Variants in CPXM2 observed in about 807,000 individuals in gnomAD.
The protein encoded by CPXM2 is carboxypeptidase X, M14 family member 2, also known as inactive carboxypeptidase-like protein X2.
CPXM2 carries 66 observed loss-of-function variants against 86.1 expected under a neutral mutation model. The observed-to-expected ratio is 0.77, with a 90% confidence interval of 0.63 to 0.94. The LOEUF (loss-of-function observed/expected upper bound fraction) is 0.94, where lower values mean the gene tolerates loss of function less well. CPXM2 is among the 40% of genes least tolerant of loss of function. The pLI, the probability that CPXM2 is intolerant of heterozygous loss-of-function variation, is 0.00. For missense variants in CPXM2, 948 were observed against 1,026.3 expected, an observed-to-expected ratio of 0.92 and a Z score of 1.04; for synonymous variants, 388 against 400.2, an observed-to-expected ratio of 0.97 and a Z score of 0.36.
chr10:123,912,277 CGT>C (rs1218416394), intron 2 of CPXM2, among the ~76,000 whole-genome samples: 4 of 102,398 alleles, frequency 3.9e-5, no homozygotes, highest in African/African-American at 3.8e-5. Flanking sequence ...ACTCCTAGTG[CGT>C]GTGTGTGTGT....
intron 13 of CPXM2, chr10:123,752,734 C>G (rs535450367): frequency 3.7e-5 from 14 of 377,772 alleles, no homozygotes; most frequent in African/African-American, 4.4e-5. Flanking sequence ...GTGCTTGGCT[C>G]AAATCATAGC....
intron 2 of CPXM2, among the ~76,000 whole-genome samples, chr10:123,916,177 T>A (rs17106146): frequency 2.0e-5 from 3 of 151,938 alleles, no homozygotes; most frequent in Admixed American, 2.0e-4. Context: ...CCTAGGAGCA[T>A]TATGTTGGTC....
intron 2 of CPXM2, among the ~76,000 whole-genome samples, chr10:123,866,400 CT>C (rs1451913066): frequency 5.7e-5 from 4 of 70,302 alleles, no homozygotes; most frequent in Non-Finnish European, 1.1e-4. Flanking sequence ...CCCATCTCTA[CT>C]AAAAAATACA....
chr10:123,787,950 C>A (rs901838524), intron 6 of CPXM2, among the ~76,000 whole-genome samples: 1 of 151,994 alleles, frequency 6.6e-6, no homozygotes, highest in African/African-American at 2.4e-5. Flanking sequence ...CTTTTCTTAT[C>A]CCCCCAGTTC....
upstream of CPXM2, among the ~76,000 whole-genome samples, chr10:123,943,650 A>T (rs1172352190): frequency 6.6e-6 from 1 of 152,254 alleles, no homozygotes; most frequent in African/African-American, 2.4e-5. Flanking sequence ...CATCACTGCT[A>T]CCTGTAGAGC....
In CPXM2 at chr10:123,746,945, G is replaced by A. The variant is rs1366789123; in HGVS notation, c.2090C>T (p.Thr697Ile). 6.2e-7 allele frequency: 1 copy of A among 1,614,124 alleles called. No individual in the cohort carries two copies. Among genetic ancestry groups the A allele is most frequent in the Non-Finnish European group, 8.5e-7 (1 of 1,180,048 alleles). ...YVVTAKAEGF[T>I]ASTKNCMVGY... ...AACCATACAGTTCTTGGTGGATGCA[G>A]TGAAACCTTCGGCCTTTGCTGTGAC... Residue 697 changes from threonine (T) to isoleucine (I), a missense_variant, in exon 14 of 14, where the codon ACT becomes ATT. Physicochemically the swap from Thr to Ile is moderately conservative, Grantham distance 89. Coordinates refer to ENST00000241305, the MANE Select transcript of CPXM2 (RefSeq NM_198148.3).
intron 2 of CPXM2, 139 bp from the exon 3 acceptor site, chr10:123,862,862 G>T: frequency 4.2e-6 from 3 of 707,516 alleles, no homozygotes; most frequent in South Asian, 1.7e-5. Flanking sequence ...TCCAGACACG[G>T]TTGATTGAAC....
intron 2 of CPXM2, among the ~76,000 whole-genome samples, chr10:123,870,113 C>T (rs1944866587): frequency 6.6e-6 from 1 of 152,150 alleles, no homozygotes; most frequent in Non-Finnish European, 1.5e-5. Flanking sequence ...GTCATTGTAT[C>T]TGTACAATGA....
chr10:123,803,854 G>T (rs888965364), intron 4 of CPXM2, among the ~76,000 whole-genome samples: 1 of 151,958 alleles, frequency 6.6e-6, no homozygotes, highest in Non-Finnish European at 1.5e-5. Flanking sequence ...GTAGAGAGGG[G>T]TTTCATCATG....
At chr10:123,855,931 T>G (rs1257207547) in intron 3 of CPXM2, among the ~76,000 whole-genome samples, 1 of 152,058 alleles carries the variant, frequency 6.6e-6, no homozygotes, top group Non-Finnish European at 1.5e-5. Context: ...CTGCAAGAGG[T>G]GAGCCTCTCT....
chr10:123,773,403 T>A (rs1020378565), intron 7 of CPXM2, among the ~76,000 whole-genome samples: 4 of 152,140 alleles, frequency 2.6e-5, no homozygotes, highest in African/African-American at 9.7e-5. Flanking sequence ...TGGATCTCAC[T>A]TCCCTCGTTG....
At chr10:123,780,353 C>T in intron 6 of CPXM2, 98 bp from the exon 7 acceptor site, 1 of 805,826 alleles carries the variant, frequency 1.2e-6, no homozygotes. Flanking sequence ...CAGTGCAGCC[C>T]AATCTCTAGC....
chr10:123,889,137 C>CA (rs1304287239), intron 1 of CPXM2, among the ~76,000 whole-genome samples: 1 of 152,244 alleles, frequency 6.6e-6, no homozygotes, highest in Admixed American at 6.5e-5. Context: ...TAAAGAGAGT[C>CA]ACTTCCCCAT....
rs79460654 is a variant in CPXM2 at position 123,933,256 on chromosome 10, C to T, written n.174+6221G>A. ...CATCATTCCTGCACTGACCACCAAA[C>T]TTCCCAGCCCTGTCTTCCTAGCATT... On this transcript the variant is annotated intron_variant and non_coding_transcript_variant, in intron 2 of 19. Transcript: ENST00000368854. Among the ~76,000 whole-genome samples, 1,211 of 152,320 alleles carry T rather than the reference C, an allele frequency of 8.0e-3. 17 individuals are homozygous for T. The highest frequency in any genetic ancestry group is 0.027 in the African/African-American group (1,137 of 41,560).
At chr10:123,920,564 T>A (rs1472846734) in intron 2 of CPXM2, among the ~76,000 whole-genome samples, 1 of 152,246 alleles carries the variant, frequency 6.6e-6, no homozygotes, top group East Asian at 1.9e-4. Flanking sequence ...GTGTTTTTAG[T>A]GACTTCTTTT....
chr10:123,801,243 T>C (rs1847451421), intron 4 of CPXM2, among the ~76,000 whole-genome samples: 1 of 152,234 alleles, frequency 6.6e-6, no homozygotes, highest in African/African-American at 2.4e-5. Flanking sequence ...TCACAAGACC[T>C]GACGGTTTTG....
At chr10:123,816,320 G>T (rs1017770547) in intron 4 of CPXM2, among the ~76,000 whole-genome samples, 3 of 152,168 alleles carry the variant, frequency 2.0e-5, no homozygotes, top group Non-Finnish European at 2.9e-5. Flanking sequence ...CCCCCACATT[G>T]GCTCCCTGGC....
chr10:123,800,784 C>CAAAA (rs5788629), intron 4 of CPXM2, among the ~76,000 whole-genome samples: 3 of 150,510 alleles, frequency 2.0e-5, no homozygotes, highest in Non-Finnish European at 3.0e-5. Context: ...TTCTCAAACT[C>CAAAA]AAAAAAAAAA....
intron 10 of CPXM2, among the ~76,000 whole-genome samples, chr10:123,764,889 T>C (rs980912483): frequency 2.6e-5 from 4 of 152,212 alleles, no homozygotes; most frequent in Admixed American, 6.5e-5. Flanking sequence ...AGTTATAAAT[T>C]TCCCTAAAGC....
Sources: gnomAD v4.1 joint callset for allele counts (sites outside exome capture counted in the v4.1 genomes callset) on GRCh38, gnomAD v4.1.1 for gene constraint, MANE v1.5 for transcripts, NCBI Gene and HGNC (gene_info 2026-07-23, HGNC 2026-07-21) for gene names.